The following S100A13 variants were observed in gnomAD, a reference collection of about 807,000 sequenced individuals.
The protein encoded by S100A13 is S100 calcium binding protein A13, also known as protein S100-A13.
In S100A13, 6 loss-of-function variants were observed where a neutral mutation model predicts 8.2. That is an observed-to-expected ratio of 0.73 (90% CI 0.40 to 1.44). The LOEUF is 1.44. Ranked by LOEUF, S100A13 falls within the 40% of genes most tolerant of loss-of-function variation. S100A13 has a pLI of 0.02. For synonymous variants in S100A13, 39 were observed against 45.9 expected (o/e 0.85, Z 0.61); for missense variants, 114 against 113.6 (o/e 1.00, Z -0.02).
chr1:153,619,288 G>A (rs1667084799), intron 2 of S100A13, among the ~76,000 whole-genome samples: 1 of 152,172 alleles, frequency 6.6e-6, no homozygotes, highest in Non-Finnish European at 1.5e-5. Flanking sequence ...ATACTTCCAC[G>A]ATGGCTGCTT....
chr1:153,626,289 C>T (rs758012417), intron 2 of S100A13, 31 bp downstream of exon 2: 11 of 1,607,016 alleles, frequency 6.8e-6, no homozygotes, highest in Middle Eastern at 1.7e-4. Context: ...ATCATCATCT[C>T]ACAAAATCTC....
upstream of S100A13, chr1:153,628,629 G>A (rs1667818044): frequency 7.1e-7 from 1 of 1,415,652 alleles, no homozygotes; most frequent in African/African-American, 1.4e-5. Flanking sequence ...CAGTCAGGGT[G>A]AGGGCAGTTT....
upstream of S100A13, chr1:153,628,744 CCCA>C (rs1205641811): frequency 3.2e-6 from 2 of 622,766 alleles, no homozygotes; most frequent in Non-Finnish European, 5.1e-6. Flanking sequence ...CAGTGGGGAA[CCCA>C]CCATGAGCTT....
intron 2 of S100A13, among the ~76,000 whole-genome samples, chr1:153,623,308 A>G (rs1667392507): frequency 6.6e-6 from 1 of 152,082 alleles, no homozygotes. Context: ...GCAGTGACGT[A>G]TCATTTGCAT....
At chr1:153,619,429 A>T (rs905949679) in intron 2 of S100A13, among the ~76,000 whole-genome samples, 2 of 152,242 alleles carry the variant, frequency 1.3e-5, no homozygotes, top group African/African-American at 2.4e-5. Context: ...GAGATGCTGC[A>T]GGGTTGGACC....
chr1:153,619,615 A>G (rs925483790), intron 2 of S100A13, among the ~76,000 whole-genome samples: 4 of 152,198 alleles, frequency 2.6e-5, no homozygotes, highest in Admixed American at 1.3e-4. Context: ...TTGACAGGGT[A>G]TCTCTCATAG....
At chr1:153,620,137 A>ATTGGC in intron 2 of S100A13, among the ~76,000 whole-genome samples, 1 of 152,232 alleles carries the variant, frequency 6.6e-6, no homozygotes, top group South Asian at 2.1e-4. Flanking sequence ...AAATACAAAA[A>ATTGGC]TTAGCCAGAT....
intron 2 of S100A13, among the ~76,000 whole-genome samples, chr1:153,622,899 G>C (rs1273864908): frequency 1.3e-5 from 2 of 152,066 alleles, no homozygotes; most frequent in African/African-American, 4.8e-5. Flanking sequence ...TTACATGCAC[G>C]CACACGTACA....
upstream of S100A13, chr1:153,632,266 CTTT>C (rs397863604): frequency 1.3e-4 from 12 of 91,834 alleles, no homozygotes; most frequent in South Asian, 4.0e-4. Context: ...AAGAAATAAT[CTTT>C]TTTTTTTTTT....
upstream of S100A13, chr1:153,630,962 C>T: frequency 2.3e-6 from 1 of 439,248 alleles, no homozygotes. Flanking sequence ...CCAGGAAATA[C>T]ACAGAGCCTT....
upstream of S100A13, chr1:153,628,657 G>A: frequency 8.1e-7 from 1 of 1,230,606 alleles, no homozygotes; most frequent in Non-Finnish European, 1.1e-6. Context: ...GGGGGAGACA[G>A]GGTTTGGAAG....
At chr1:153,633,515 A>G (rs1668152364), upstream of S100A13, among the ~76,000 whole-genome samples, 1 of 152,036 alleles carries the variant, frequency 6.6e-6, no homozygotes, top group African/African-American at 2.4e-5. Context: ...CAAGTTGGGG[A>G]GGGGAGGAAG....
intron 2 of S100A13, among the ~76,000 whole-genome samples, chr1:153,619,505 C>T (rs1036280594): frequency 1.3e-5 from 2 of 152,202 alleles, no homozygotes; most frequent in African/African-American, 4.8e-5. Context: ...CAGTACTTAG[C>T]TGCTCATTTG....
chr1:153,632,977 C>T (rs1212784220), upstream of S100A13: 1 of 151,652 alleles, frequency 6.6e-6, no homozygotes, highest in Non-Finnish European at 1.5e-5. Context: ...GGAGACCAGC[C>T]TGGTGAAACC....
chr1:153,630,587 AG>A, upstream of S100A13: 1 of 1,614,248 alleles, frequency 6.2e-7, no homozygotes, highest in Non-Finnish European at 8.5e-7. Context: ...ACTCGGGCAA[AG>A]AGGGGGACAA....
upstream of S100A13, chr1:153,628,402 G>A: frequency 6.5e-7 from 1 of 1,550,338 alleles, no homozygotes; most frequent in Non-Finnish European, 8.7e-7. Flanking sequence ...GGGAGGGACT[G>A]TTGAAGACAG....
intron 2 of S100A13, among the ~76,000 whole-genome samples, chr1:153,619,246 G>A (rs775653670): frequency 6.6e-6 from 1 of 152,156 alleles, no homozygotes; most frequent in Non-Finnish European, 1.5e-5. Flanking sequence ...AAAGGTGGGG[G>A]GGCCTGAGTC....
chr1:153,631,653 G>A, upstream of S100A13: 6 of 1,613,740 alleles, frequency 3.7e-6, no homozygotes, highest in Admixed American at 3.3e-5. Flanking sequence ...ACTCAGTGCT[G>A]TACCCTTCCC....
upstream of S100A13, chr1:153,632,889 G>C (rs1668107721): frequency 6.6e-6 from 1 of 152,172 alleles, no homozygotes. Flanking sequence ...CCTTATTGAG[G>C]CCGGGCACAG....
Sources: gnomAD v4.1 joint callset for allele counts (sites outside exome capture counted in the v4.1 genomes callset) on GRCh38, gnomAD v4.1.1 for gene constraint, MANE v1.5 for transcripts, NCBI Gene and HGNC (gene_info 2026-07-23, HGNC 2026-07-21) for gene names.